MARCHF1: variants seen among roughly 807,000 people sequenced by gnomAD.
MARCHF1 encodes the protein membrane associated ring-CH-type finger 1.
In MARCHF1, 40 loss-of-function variants were observed where a neutral mutation model predicts 54.2. That is an observed-to-expected ratio of 0.74 (90% CI 0.57 to 0.96). The LOEUF (loss-of-function observed/expected upper bound fraction) is 0.96, where lower values mean the gene tolerates loss of function less well. MARCHF1 is among the 40% of genes least tolerant of loss of function. The probability of loss-of-function intolerance (pLI) is 0.00; values close to 1 mark genes in which losing one functional copy is unlikely to be tolerated. For missense variants in MARCHF1, 586 were observed against 656.5 expected, an observed-to-expected ratio of 0.89 and a Z score of 1.17; for synonymous variants, 236 against 236.3, an observed-to-expected ratio of 1.00 and a Z score of 0.01.
chr4:164,209,899 A>G (rs944581745), intron 1 of MARCHF1, among the ~76,000 whole-genome samples: 2 of 152,180 alleles, frequency 1.3e-5, no homozygotes, highest in African/African-American at 4.8e-5. Context: ...AGGTCCAACC[A>G]TTAAAAGAAG....
intron 3 of MARCHF1, among the ~76,000 whole-genome samples, chr4:163,933,517 G>C (rs778551870): frequency 8.5e-5 from 13 of 152,146 alleles, no homozygotes; most frequent in Non-Finnish European, 1.8e-4. Flanking sequence ...TTAGGTAGAG[G>C]ACTAAAAATG....
At chr4:164,343,632 G>A (rs7676100) in intron 1 of MARCHF1, among the ~76,000 whole-genome samples, 82,051 of 151,938 alleles carry the variant, frequency 0.54, 22,746 homozygotes, top group East Asian at 0.65. Context: ...AAATTGCTCA[G>A]TATCACTAAT....
At chr4:164,145,198 A>C (rs1729643378) in intron 1 of MARCHF1, among the ~76,000 whole-genome samples, 1 of 152,098 alleles carries the variant, frequency 6.6e-6, no homozygotes, top group Non-Finnish European at 1.5e-5. Context: ...CCAACCAAAA[A>C]GAGTCCAGGA....
At chr4:164,149,305 A>G (rs997242206) in intron 1 of MARCHF1, among the ~76,000 whole-genome samples, 1 of 152,178 alleles carries the variant, frequency 6.6e-6, no homozygotes, top group African/African-American at 2.4e-5. Flanking sequence ...GGACTAACTC[A>G]GATATATTTA....
chr4:163,935,926 G>T (rs921924117), intron 3 of MARCHF1, among the ~76,000 whole-genome samples: 1 of 152,072 alleles, frequency 6.6e-6, no homozygotes, highest in Non-Finnish European at 1.5e-5. Context: ...ATGTCAACTT[G>T]CAACATGCCT....
chr4:163,907,217 C>G (rs1360509539), intron 3 of MARCHF1, among the ~76,000 whole-genome samples: 3 of 151,914 alleles, frequency 2.0e-5, no homozygotes, highest in Non-Finnish European at 2.9e-5. Context: ...TCCTATATTT[C>G]TATTGTAAGA....
chr4:163,885,210 C>T (rs1750499816), intron 3 of MARCHF1, among the ~76,000 whole-genome samples: 1 of 152,152 alleles, frequency 6.6e-6, no homozygotes, highest in African/African-American at 2.4e-5. Flanking sequence ...GGAAAGTATG[C>T]ATTTGGTGAG....
At chr4:163,653,472 A>C (rs1203306608) in intron 5 of MARCHF1, among the ~76,000 whole-genome samples, 3 of 151,768 alleles carry the variant, frequency 2.0e-5, no homozygotes, top group African/African-American at 7.2e-5. Context: ...TTATGAAGGT[A>C]GAAGTAGAAA....
chr4:163,529,194 A>AATT (rs1738258930), intron 9 of MARCHF1, 148 bp from the exon 10 acceptor site: 1 of 643,482 alleles, frequency 1.6e-6, no homozygotes, highest in Non-Finnish European at 2.7e-6. Context: ...AACTAGAAAG[A>AATT]ATTATAACCC....
intron 4 of MARCHF1, among the ~76,000 whole-genome samples, chr4:163,701,278 T>C (rs1477888274): frequency 6.6e-6 from 1 of 152,216 alleles, no homozygotes; most frequent in African/African-American, 2.4e-5. Flanking sequence ...GCTGGGTATA[T>C]GCTATATACA....
intron 2 of MARCHF1, 100 bp downstream of exon 2, chr4:164,111,488 T>A (rs1446848977): frequency 6.6e-6 from 1 of 151,696 alleles, no homozygotes; most frequent in Non-Finnish European, 1.5e-5. Flanking sequence ...AGCCTTCCAT[T>A]AAAACAAAAT....
At chr4:164,338,886 C>T (rs7678184) in intron 1 of MARCHF1, among the ~76,000 whole-genome samples, 15,657 of 151,996 alleles carry the variant, frequency 0.1, 1,384 homozygotes, top group East Asian at 0.29. Flanking sequence ...GCAGGAGAAT[C>T]GCTTGAACCT....
chr4:164,351,295 C>A (rs1401366567), intron 1 of MARCHF1, among the ~76,000 whole-genome samples: 2 of 150,902 alleles, frequency 1.3e-5, no homozygotes, highest in African/African-American at 2.4e-5. Context: ...CTGTAGGCTC[C>A]ACCTCTGGGG....
chr4:163,912,358 T>TA lies in MARCHF1; in HGVS notation c.-38-58190dup, dbSNP rs144462349. 7.3e-3 allele frequency among the ~76,000 whole-genome samples: 1,112 copies of TA among 151,826 alleles called. 12 individuals carry two copies. Among genetic ancestry groups the TA allele is most frequent in the East Asian group, 0.044 (226 of 5,162 alleles). ...TCAAAGGGATCTGAGTCAAGGAAAA[T>TA]AAAAAAAGTGTTATGTAATTACTCC... On this transcript the variant is annotated intron_variant, in intron 3 of 9. Coordinates refer to ENST00000514618, the MANE Select transcript of MARCHF1 (RefSeq NM_001394959.1).
intron 1 of MARCHF1, among the ~76,000 whole-genome samples, chr4:164,157,066 T>A (rs1489934577): frequency 6.6e-6 from 1 of 152,202 alleles, no homozygotes; most frequent in Non-Finnish European, 1.5e-5. Context: ...CTCACTCTTA[T>A]AAATTGCTTT....
At chr4:164,306,239 T>C (rs1269474350) in intron 1 of MARCHF1, among the ~76,000 whole-genome samples, 1 of 152,148 alleles carries the variant, frequency 6.6e-6, no homozygotes, top group African/African-American at 2.4e-5. Flanking sequence ...AGGAAAATTA[T>C]AATCATTAAA....
chr4:163,947,746 G>C (rs553904531), intron 3 of MARCHF1, among the ~76,000 whole-genome samples: 3 of 152,210 alleles, frequency 2.0e-5, no homozygotes, highest in Non-Finnish European at 4.4e-5. Flanking sequence ...TAGGAAACTA[G>C]TAGCGTAGCT....
At chr4:163,794,938 G>T (rs768607511) in intron 4 of MARCHF1, among the ~76,000 whole-genome samples, 1 of 152,062 alleles carries the variant, frequency 6.6e-6, no homozygotes, top group East Asian at 1.9e-4. Flanking sequence ...TCAGCACTTG[G>T]AATCCTGCCT....
At chr4:163,630,838 G>A (rs868368784) in intron 5 of MARCHF1, among the ~76,000 whole-genome samples, 2 of 152,020 alleles carry the variant, frequency 1.3e-5, no homozygotes, top group Middle Eastern at 3.4e-3. Flanking sequence ...AATTGGTAGT[G>A]CAGAAAAAGT....
Sources: gnomAD v4.1 joint callset for allele counts (sites outside exome capture counted in the v4.1 genomes callset) on GRCh38, gnomAD v4.1.1 for gene constraint, MANE v1.5 for transcripts, NCBI Gene and HGNC (gene_info 2026-07-23, HGNC 2026-07-21) for gene names.